Variants in MBD1 observed in about 807,000 individuals in gnomAD.
MBD1 encodes methyl-CpG binding domain protein 1.
MBD1 carries 25 observed loss-of-function variants against 82.6 expected under a neutral mutation model. The observed-to-expected ratio is 0.30, with a 90% CI of 0.22 to 0.42. The LOEUF is 0.42. Among genes scored for constraint, MBD1 ranks in the 10% least tolerant of loss-of-function variants. The pLI, the probability that MBD1 is intolerant of heterozygous loss-of-function variation, is 1.00. For synonymous variants in MBD1, 301 were observed against 303.7 expected (o/e 0.99, Z 0.09); for missense variants, 627 against 819.6 (o/e 0.76, Z 2.87).
intron 11 of MBD1, 50 bp from the exon 12 acceptor site, chr18:50,273,913 C>A: frequency 1.3e-6 from 2 of 1,599,224 alleles, no homozygotes; most frequent in Non-Finnish European, 1.7e-6. Flanking sequence ...TGACCAATCA[C>A]ATCCACCCTG....
At chr18:50,267,447 T>A (rs528711358), downstream of MBD1, 3 of 615,966 alleles carry the variant, frequency 4.9e-6, no homozygotes, top group South Asian at 5.7e-5. Flanking sequence ...GCAGATCAAA[T>A]GGACTAGTGG....
At chr18:50,272,600 G>A (rs942170702) in intron 15 of MBD1, 77 bp downstream of exon 15, 26 of 1,531,380 alleles carry the variant, frequency 1.7e-5, no homozygotes, top group Middle Eastern at 1.7e-4. Flanking sequence ...CCAAACTGCC[G>A]GCTATACTTT....
At position 50,276,996 on chromosome 18, in the gene MBD1, G is replaced by C. The variant is rs1286007432; in HGVS notation, c.228C>G (p.Ala76=). ...TCTTGCTGGCAACCGCCACGGGATGGGCCTGGAAAGTAAGGGAAGGAGGAA... is the reference window on the plus strand; with the variant it reads ...TCTTGCTGGCAACCGCCACGGGATGCGCCTGGAAAGTAAGGGAAGGAGGAA... ...QGILCYPAPK[A]HPVAVASKKR... Residue 76 remains alanine (A), a splice_region_variant and synonymous_variant, in exon 4 of 17, where the codon GCC becomes GCG. Coordinates refer to ENST00000269468, the MANE Select transcript of MBD1 (RefSeq NM_015846.4). The C allele has an allele frequency of 1.2e-6, 2 of 1,614,238 alleles. No homozygotes were observed. The highest frequency in any genetic ancestry group is 1.7e-5 in the Admixed American group (1 of 60,022).
chr18:50,268,051 C>T (rs1199150949), downstream of MBD1, among the ~76,000 whole-genome samples: 1 of 152,222 alleles, frequency 6.6e-6, no homozygotes, highest in African/African-American at 2.4e-5. Flanking sequence ...TTTACGTGGC[C>T]TGAAACAGAA....
chr18:50,269,958 C>G, intron 16 of MBD1, 140 bp from the exon 17 acceptor site: 1 of 1,512,536 alleles, frequency 6.6e-7, no homozygotes, highest in Admixed American at 1.7e-5. Context: ...AGTGGTTCTG[C>G]TCCTCTGATT....
In MBD1 at chr18:50,277,151, G is replaced by A. The variant is rs149999887; in HGVS notation, c.164C>T (p.Pro55Leu). The change falls in exon 3 of 17, where the codon CCT (proline) becomes CTT (leucine). Residue 55 changes from proline to leucine, a missense_variant. Transcript: ENST00000269468. ...GTCGAAGAGGGTGAGATCACACGCA[G>A]GGCCCAGGTATCGAGTCAGCTCAAC... ...SKVELTRYLG[P>L]ACDLTLFDFK... 3 of 1,614,230 alleles carry A rather than the reference G, an allele frequency of 1.9e-6. No homozygotes were observed. Among genetic ancestry groups the A allele is most frequent in the African/African-American group, 1.3e-5 (1 of 75,056 alleles).
At chr18:50,268,419 G>C (rs1489692347), downstream of MBD1, among the ~76,000 whole-genome samples, 2 of 152,362 alleles carry the variant, frequency 1.3e-5, no homozygotes, top group African/African-American at 4.8e-5. Flanking sequence ...TTTAACCCCG[G>C]TTCGGTTTTG....
Position 50,273,429 on chromosome 18 carries a change from G to A in MBD1, c.1489C>T (p.Gln497Ter). The A allele has an allele frequency of 1.2e-6, 2 of 1,614,206 alleles. No homozygotes were observed. Among genetic ancestry groups the A allele is most frequent in the Non-Finnish European group, 1.7e-6 (2 of 1,180,042 alleles). ...SGLSWVVALP[Q>*]VKQEKADTQD... Reference sequence around the variant, plus strand: ...GTATCCGCCTTCTCTTGCTTCACCTGGGGTAAGGCCACAACCCAACTCAGG... The same window carrying A: ...GTATCCGCCTTCTCTTGCTTCACCTAGGGTAAGGCCACAACCCAACTCAGG... Residue 497 changes from glutamine (Q) to a stop codon, truncating the protein, a stop_gained, in exon 13 of 17, where the codon CAG becomes TAG. Transcript: ENST00000269468. LOFTEE classifies it high-confidence loss of function.
intron 6 of MBD1, 190 bp downstream of exon 6, chr18:50,276,188 C>A: frequency 1.2e-6 from 1 of 818,692 alleles, no homozygotes; most frequent in South Asian, 1.5e-5. Context: ...ACTGTGTCTA[C>A]TGATGCACTA....
downstream of MBD1, among the ~76,000 whole-genome samples, chr18:50,267,934 A>G (rs542484056): frequency 3.5e-4 from 53 of 152,354 alleles, no homozygotes; most frequent in African/African-American, 1.3e-3. Context: ...TTCAGCCACG[A>G]AATAATGTTT....
At chr18:50,269,957 GCTC>G in intron 16 of MBD1, 139 bp from the exon 17 acceptor site, 1 of 1,497,864 alleles carries the variant, frequency 6.7e-7, no homozygotes. Flanking sequence ...TAGTGGTTCT[GCTC>G]CTCTGATTGT....
rs1269125195 is a variant in MBD1 at position 50,276,424 on chromosome 18, G to A, written c.476-6C>T. On this transcript the variant is annotated splice_polypyrimidine_tract_variant and splice_region_variant and intron_variant, in intron 5 of 16. Coordinates refer to ENST00000269468, the MANE Select transcript of MBD1 (RefSeq NM_015846.4). The stretch of plus-strand genomic sequence containing the variant: ...GTTGAAGGCAATTCTCTGTGCTGTG[G>A]GGAGGAAGAGGGAAGAAGAAAAGTG... The A allele has an allele frequency of 1.9e-6, 3 of 1,613,878 alleles. No homozygotes were observed. Among genetic ancestry groups the A allele is most frequent in the Non-Finnish European group, 2.5e-6 (3 of 1,179,914 alleles).
intron 16 of MBD1, 148 bp downstream of exon 16, chr18:50,271,321 C>T (rs2035430203): frequency 6.5e-7 from 1 of 1,533,340 alleles, no homozygotes; most frequent in Middle Eastern, 2.1e-4. Flanking sequence ...CTTCTAGAAG[C>T]TCAAAGTACT....
At chr18:50,271,623 T>G in intron 15 of MBD1, 83 bp from the exon 16 acceptor site, 1 of 1,418,394 alleles carries the variant, frequency 7.1e-7, no homozygotes, top group Non-Finnish European at 1.0e-6. Flanking sequence ...TTCCTACTAT[T>G]CTGTGTCCTC....
In MBD1 at chr18:50,269,394, A is replaced by G. The variant is rs1465748458; in HGVS notation, c.*457T>C. On this transcript the variant is annotated 3_prime_UTR_variant, in exon 17 of 17. Coordinates refer to ENST00000269468, the MANE Select transcript of MBD1 (RefSeq NM_015846.4). The stretch of plus-strand genomic sequence containing the variant: ...CTCTCTTCCAGTAAGATGGGCCACA[A>G]GAGACATTTTGCTTGATAACCGGAG... The G allele has an allele frequency of 2.6e-6, 3 of 1,166,822 alleles. No individual in the cohort carries two copies. The Admixed American group carries it at 8.5e-5, about 33-fold the overall frequency. The allele number at this position is 1,166,822 out of a possible 1,614,324, so 72.3% of individuals were successfully genotyped here.
At chr18:50,271,690 T>C (rs1167681525) in intron 15 of MBD1, 150 bp from the exon 16 acceptor site, 3 of 865,066 alleles carry the variant, frequency 3.5e-6, no homozygotes, top group African/African-American at 3.4e-5. Context: ...AAAACTACCA[T>C]TATAGACAGC....
In MBD1 at chr18:50,273,338, C is replaced by A; in HGVS notation, c.1580G>T (p.Ser527Ile). 1 of 1,614,058 alleles carries A rather than the reference C, an allele frequency of 6.2e-7. No homozygotes were observed. Among genetic ancestry groups the A allele is most frequent in the Non-Finnish European group, 8.5e-7 (1 of 1,180,002 alleles). Residue 527 changes from serine (S) to isoleucine (I), a missense_variant, in exon 13 of 17, where the codon AGC becomes ATC. Physicochemically the swap from Ser to Ile is moderately radical, Grantham distance 142. Around this residue, in one of 6 missense-constraint regions of MBD1, gnomAD observed 265 missense variants for 278.4 expected, o/e 0.95. Coordinates refer to ENST00000269468, the MANE Select transcript of MBD1 (RefSeq NM_015846.4). ...TSPVLVPGCP[S>I]KAVDPGLPSV... ...AACATCCATCACTGCCCCCACCTTG[C>A]TAGGGCAGCCAGGCACCAATACGGG...
At chr18:50,267,168 T>A, downstream of MBD1, 1 of 166,030 alleles carries the variant, frequency 6.0e-6, no homozygotes, top group African/African-American at 2.4e-5. Flanking sequence ...GTTCAAGCGA[T>A]CCTCCCCACT....
intron 10 of MBD1, among the ~76,000 whole-genome samples, 200 bp downstream of exon 10, chr18:50,274,775 CAG>C (rs756878706): frequency 9.9e-5 from 15 of 152,202 alleles, no homozygotes; most frequent in Middle Eastern, 3.2e-3. Flanking sequence ...CATCAGCTAC[CAG>C]AGTGTTGGTA....
Sources: allele counts gnomAD v4.1 joint callset (sites outside exome capture counted in the v4.1 genomes callset), GRCh38; gene constraint gnomAD v4.1.1; regional missense constraint gnomAD v4.1.1; transcripts MANE v1.5; gene names NCBI Gene and HGNC (gene_info 2026-07-23, HGNC 2026-07-21).